The following TACC2 variants were observed in gnomAD, a reference collection of about 807,000 sequenced individuals.
TACC2 encodes transforming acidic coiled-coil containing protein 2.
Under a neutral mutation model 227.3 loss-of-function variants are expected in TACC2, and 137 were observed. The observed-to-expected ratio is 0.60, with a 90% CI of 0.52 to 0.69. TACC2 has a LOEUF of 0.69. Among genes scored for constraint, TACC2 ranks in the 30% least tolerant of loss-of-function variants. The pLI is 0.00. For synonymous variants in TACC2, 1,523 were observed against 1,487.5 expected (o/e 1.02, Z -0.55); for missense variants, 3,470 against 3,694.4 (o/e 0.94, Z 1.57).
chr10:122,174,184 C>T (rs1269227843), intron 7 of TACC2, among the ~76,000 whole-genome samples: 1 of 152,176 alleles, frequency 6.6e-6, no homozygotes, highest in East Asian at 1.9e-4. Flanking sequence ...GCATATTTTA[C>T]CTGGACCAAC....
intron 7 of TACC2, among the ~76,000 whole-genome samples, chr10:122,190,408 A>G (rs1032640892): frequency 6.6e-6 from 1 of 152,184 alleles, no homozygotes; most frequent in South Asian, 2.1e-4. Flanking sequence ...GTGGGACTCT[A>G]GAGACCAAGA....
Position 122,230,346 on chromosome 10 carries a change from G to A in TACC2, c.8038-5G>A, listed in dbSNP as rs1453710767. ...CTGCGGTTTGCCCACACTCCCTGTG[G>A]GCAGGAGGAGTTAGAGTTTGCCATC... On this transcript the variant is annotated splice_polypyrimidine_tract_variant and splice_region_variant and intron_variant, in intron 15 of 22. Coordinates refer to ENST00000369005, the MANE Select transcript of TACC2 (RefSeq NM_206862.4). The A allele has an allele frequency of 6.2e-7, 1 of 1,613,750 alleles. No homozygotes were observed. The highest frequency in any genetic ancestry group is 8.5e-7 in the Non-Finnish European group (1 of 1,179,636).
At chr10:122,125,950 T>C (rs1235980915) in intron 5 of TACC2, among the ~76,000 whole-genome samples, 1 of 152,036 alleles carries the variant, frequency 6.6e-6, no homozygotes, top group Non-Finnish European at 1.5e-5. Flanking sequence ...CTAATTTTTT[T>C]GTATTTTTAG....
Position 122,211,316 on chromosome 10 carries a change from G to A in TACC2, c.6891G>A (p.Met2297Ile), listed in dbSNP as rs1448852295. 4 of 1,613,834 alleles carry A rather than the reference G, an allele frequency of 2.5e-6. No homozygotes were observed. The highest frequency in any genetic ancestry group is 3.4e-6 in the Non-Finnish European group (4 of 1,179,992). The change falls in exon 9 of 23, where the codon ATG becomes ATA. Residue 2297 changes from methionine (M) to isoleucine (I), a missense_variant. Physicochemically the swap from Met to Ile is conservative, Grantham distance 10 (BLOSUM62 1). Around this residue, in one of 10 missense-constraint regions of TACC2, gnomAD observed 593 missense variants for 636.6 expected, o/e 0.93. Transcript: ENST00000369005. Reference sequence around the variant, plus strand: ...TAGGCAAAAAGCCAGTTGCCAAAATGCCCCTGAGGAGGCCAAAGATGAAAA... The same window carrying A: ...TAGGCAAAAAGCCAGTTGCCAAAATACCCCTGAGGAGGCCAAAGATGAAAA... ...KKIGKKPVAK[M>I]PLRRPKMKKT...
At chr10:122,016,438 G>A (rs941125443) in intron 1 of TACC2, among the ~76,000 whole-genome samples, 3 of 151,594 alleles carry the variant, frequency 2.0e-5, no homozygotes, top group Non-Finnish European at 2.9e-5. Flanking sequence ...GTGGTGGCAC[G>A]TTCCTGTAGT....
At chr10:122,220,716 C>A (rs762717461) in intron 11 of TACC2, among the ~76,000 whole-genome samples, 2 of 152,230 alleles carry the variant, frequency 1.3e-5, no homozygotes, top group Non-Finnish European at 2.9e-5. Context: ...TACATATTCA[C>A]TATCATTAAT....
At chr10:122,113,823 C>T (rs535856887) in intron 5 of TACC2, among the ~76,000 whole-genome samples, 1 of 152,348 alleles carries the variant, frequency 6.6e-6, no homozygotes, top group Admixed American at 6.5e-5. Context: ...CGTGACCCGC[C>T]CGAGCGTCCC....
chr10:122,011,147 T>C (rs1003753229), intron 1 of TACC2, among the ~76,000 whole-genome samples: 1 of 151,814 alleles, frequency 6.6e-6, no homozygotes, highest in African/African-American at 2.4e-5. Context: ...CATTACCCAG[T>C]TGGGTGAGGG....
rs2079763301 is a variant in TACC2, at chr10:122,083,402, C to T, written c.902C>T (p.Thr301Ile). ...GGGGAGGCGCCGCCTCAGTATTTAA[C>T]AGATGACTTGGAATTCCTCAGGGCC... ...GQGEAPPQYL[T>I]DDLEFLRACH... Residue 301 changes from threonine to isoleucine, a missense_variant, in exon 4 of 23, where the codon ACA becomes ATA. Transcript: ENST00000369005. 6.2e-7 allele frequency: 1 copy of T among 1,613,868 alleles called. No homozygotes were observed. The highest frequency in any genetic ancestry group is 8.5e-7 in the Non-Finnish European group (1 of 1,180,036).
At chr10:122,061,884 A>G (rs1241093690) in intron 3 of TACC2, among the ~76,000 whole-genome samples, 1 of 152,106 alleles carries the variant, frequency 6.6e-6, no homozygotes, top group Non-Finnish European at 1.5e-5. Context: ...TCTTGGGGCT[A>G]GGTCTTCAAA....
intron 1 of TACC2, among the ~76,000 whole-genome samples, chr10:122,018,989 G>T (rs1357681832): frequency 6.6e-6 from 1 of 152,166 alleles, no homozygotes; most frequent in African/African-American, 2.4e-5. Context: ...CAGGGGTAAG[G>T]CGCTTCCATT....
chr10:122,013,570 G>T (rs938773408), intron 1 of TACC2, among the ~76,000 whole-genome samples: 2 of 152,180 alleles, frequency 1.3e-5, no homozygotes, highest in African/African-American at 4.8e-5. Context: ...GGCTTAGGTC[G>T]CTGGGTTTGT....
At chr10:122,165,823 A>C (rs2093129645) in intron 7 of TACC2, among the ~76,000 whole-genome samples, 1 of 152,224 alleles carries the variant, frequency 6.6e-6, no homozygotes, top group South Asian at 2.1e-4. Context: ...AGAGAGAGGA[A>C]ATATTTGGGG....
intron 1 of TACC2, among the ~76,000 whole-genome samples, chr10:122,008,266 T>TATTATTATTATTATTA (rs1554958022): frequency 1.1e-3 from 151 of 139,860 alleles, no homozygotes; most frequent in East Asian, 8.4e-3. Flanking sequence ...TTATTATTAT[T>TATTATTATTATTATTA]TTTTTTTTTT....
At chr10:122,079,191 A>G (rs1417961092) in intron 3 of TACC2, 2 of 152,234 alleles carry the variant, frequency 1.3e-5, no homozygotes, top group Non-Finnish European at 2.9e-5. Context: ...AATGAAATGT[A>G]AAGTGCTTGT....
intron 8 of TACC2, among the ~76,000 whole-genome samples, chr10:122,208,092 C>A (rs903480456): frequency 6.6e-6 from 1 of 152,140 alleles, no homozygotes; most frequent in Non-Finnish European, 1.5e-5. Context: ...AGAAGCGAGG[C>A]AACACCTTTT....
At chr10:122,122,310 G>A (rs1465027212) in intron 5 of TACC2, among the ~76,000 whole-genome samples, 2 of 152,124 alleles carry the variant, frequency 1.3e-5, no homozygotes, top group Non-Finnish European at 2.9e-5. Context: ...AGCCGAGATC[G>A]TGCCACTGTA....
intron 6 of TACC2, among the ~76,000 whole-genome samples, chr10:122,132,957 C>T (rs1315641497): frequency 6.6e-6 from 1 of 152,112 alleles, no homozygotes; most frequent in Non-Finnish European, 1.5e-5. Context: ...CCAGGAAGAC[C>T]GTTTCCCCTG....
intron 7 of TACC2, among the ~76,000 whole-genome samples, chr10:122,155,393 C>CA (rs1157670901): frequency 6.6e-6 from 1 of 152,254 alleles, no homozygotes; most frequent in Non-Finnish European, 1.5e-5. Flanking sequence ...CGTGGATTAA[C>CA]ACATCAACAT....
Sources: gnomAD v4.1 joint callset for allele counts (sites outside exome capture counted in the v4.1 genomes callset) on GRCh38, gnomAD v4.1.1 for gene constraint, gnomAD v4.1.1 regional missense constraint, MANE v1.5 for transcripts, NCBI Gene and HGNC (gene_info 2026-07-23, HGNC 2026-07-21) for gene names.